The following GALNTL6 variants were observed in gnomAD, a reference collection of about 807,000 sequenced individuals.
GALNTL6 encodes polypeptide N-acetylgalactosaminyltransferase-like 6.
In GALNTL6, 46 loss-of-function variants were observed where a neutral mutation model predicts 73.7. The ratio of observed to expected loss-of-function variants is 0.62; its 90% CI spans 0.49 to 0.80. The LOEUF is 0.80. Ranked by LOEUF, GALNTL6 falls within the 30% of genes least tolerant of loss-of-function variation. The probability of loss-of-function intolerance (pLI) is 0.00; values close to 1 mark genes in which losing one functional copy is unlikely to be tolerated. For missense variants in GALNTL6, 604 were observed against 755.0 expected (o/e 0.80, Z 2.34); for synonymous variants, 259 against 263.7 (o/e 0.98, Z 0.17).
At chr4:173,037,591 A>T (rs1413546248) in intron 12 of GALNTL6, among the ~76,000 whole-genome samples, 1 of 152,188 alleles carries the variant, frequency 6.6e-6, no homozygotes, top group Non-Finnish European at 1.5e-5. Flanking sequence ...AAATGTTCAG[A>T]AAGTCTGGTT....
chr4:171,969,740 G>C (rs1348992293), intron 2 of GALNTL6, among the ~76,000 whole-genome samples: 1 of 151,110 alleles, frequency 6.6e-6, no homozygotes, highest in East Asian at 2.0e-4. Context: ...GGCAAACATA[G>C]GCTACATATG....
At chr4:172,157,837 A>G (rs1444492490) in intron 2 of GALNTL6, among the ~76,000 whole-genome samples, 1 of 152,110 alleles carries the variant, frequency 6.6e-6, no homozygotes, top group Non-Finnish European at 1.5e-5. Context: ...TTATGATTAG[A>G]TTGTTGCATC....
chr4:172,846,228 C>G (rs1743499311), intron 7 of GALNTL6, among the ~76,000 whole-genome samples: 1 of 152,170 alleles, frequency 6.6e-6, no homozygotes, highest in Non-Finnish European at 1.5e-5. Context: ...AATGTGTTTG[C>G]AGGCCAACTA....
intron 10 of GALNTL6, among the ~76,000 whole-genome samples, chr4:172,959,352 G>A (rs984545333): frequency 4.6e-5 from 7 of 152,116 alleles, no homozygotes; most frequent in Non-Finnish European, 8.8e-5. Flanking sequence ...TAATAAGGGA[G>A]CTGGGCAGGT....
intron 2 of GALNTL6, among the ~76,000 whole-genome samples, chr4:172,150,474 C>A (rs1404268951): frequency 6.6e-6 from 1 of 152,122 alleles, no homozygotes; most frequent in Non-Finnish European, 1.5e-5. Context: ...AGTGAAGGGG[C>A]TACTTTAGAT....
chr4:172,353,715 TTA>T (rs150092120), intron 5 of GALNTL6, among the ~76,000 whole-genome samples: 18 of 151,252 alleles, frequency 1.2e-4, no homozygotes, highest in South Asian at 4.2e-4. Context: ...GGAAAAAATA[TTA>T]TATATATATA....
chr4:172,537,227 C>T (rs977228936), intron 5 of GALNTL6, among the ~76,000 whole-genome samples: 12 of 152,086 alleles, frequency 7.9e-5, no homozygotes, highest in African/African-American at 1.7e-4. Flanking sequence ...CATGAGATTT[C>T]GGAGGGGCCA....
At chr4:172,408,553 A>G (rs1247269427) in intron 5 of GALNTL6, among the ~76,000 whole-genome samples, 2 of 152,044 alleles carry the variant, frequency 1.3e-5, no homozygotes, top group South Asian at 2.1e-4. Context: ...TTGAAATAGA[A>G]GCAACTCTAC....
intron 2 of GALNTL6, among the ~76,000 whole-genome samples, chr4:171,953,582 C>A (rs1042236778): frequency 6.6e-6 from 1 of 151,998 alleles, no homozygotes; most frequent in Non-Finnish European, 1.5e-5. Context: ...AAATTACAGA[C>A]CTAAATACAA....
chr4:171,854,836 T>G (rs925245033), intron 2 of GALNTL6, among the ~76,000 whole-genome samples: 14 of 152,206 alleles, frequency 9.2e-5, no homozygotes, highest in Admixed American at 9.2e-4. Flanking sequence ...AGGCCCCACC[T>G]TTAAATACCA....
intron 2 of GALNTL6, among the ~76,000 whole-genome samples, chr4:172,081,872 A>G (rs1016214169): frequency 2.4e-4 from 32 of 131,784 alleles, no homozygotes; most frequent in Non-Finnish European, 2.3e-4. Context: ...TTATTTATTT[A>G]TTCCTTTTTT....
intron 10 of GALNTL6, among the ~76,000 whole-genome samples, chr4:172,969,497 A>C (rs995681909): frequency 6.6e-6 from 1 of 152,372 alleles, no homozygotes; most frequent in East Asian, 1.9e-4. Flanking sequence ...GGGAAATCCA[A>C]CTAAGAACCA....
intron 5 of GALNTL6, among the ~76,000 whole-genome samples, chr4:172,659,028 T>C (rs1217279750): frequency 6.6e-6 from 1 of 152,200 alleles, no homozygotes; most frequent in African/African-American, 2.4e-5. Flanking sequence ...CCAGATCTTA[T>C]TGTAAGCAGC....
At chr4:172,040,763 T>C (rs1185644614) in intron 2 of GALNTL6, among the ~76,000 whole-genome samples, 1 of 152,070 alleles carries the variant, frequency 6.6e-6, no homozygotes, top group Non-Finnish European at 1.5e-5. Context: ...GGATTCCAAC[T>C]GCAATTCCCA....
chr4:172,281,387 C>A (rs1322562289), intron 3 of GALNTL6, among the ~76,000 whole-genome samples: 1 of 152,002 alleles, frequency 6.6e-6, no homozygotes, highest in Non-Finnish European at 1.5e-5. Context: ...TTCTTGACTT[C>A]CTATTTCTCT....
chr4:172,846,489 G>T (rs1307204821), intron 7 of GALNTL6, among the ~76,000 whole-genome samples: 10 of 151,996 alleles, frequency 6.6e-5, no homozygotes, highest in Non-Finnish European at 1.3e-4. Context: ...AATTCTCAAA[G>T]AATTAGGACA....
chr4:172,260,611 A>C (rs1738225266), intron 3 of GALNTL6, among the ~76,000 whole-genome samples: 1 of 151,440 alleles, frequency 6.6e-6, no homozygotes. Context: ...CTCTTGTCTG[A>C]TTGCTGTGGC....
chr4:172,282,047 T>C (rs184012551), intron 3 of GALNTL6, among the ~76,000 whole-genome samples: 4 of 152,300 alleles, frequency 2.6e-5, no homozygotes, highest in African/African-American at 4.8e-5. Context: ...AAGAAAAATA[T>C]TGATAAACTG....
At chr4:171,960,483 T>C (rs1012611614) in intron 2 of GALNTL6, among the ~76,000 whole-genome samples, 7 of 151,952 alleles carry the variant, frequency 4.6e-5, no homozygotes, top group African/African-American at 9.7e-5. Flanking sequence ...TTTCACTGTG[T>C]TCCCCAGGCT....
Sources: gnomAD v4.1 joint callset for allele counts (sites outside exome capture counted in the v4.1 genomes callset) on GRCh38, gnomAD v4.1.1 for gene constraint, MANE v1.5 for transcripts, NCBI Gene and HGNC (gene_info 2026-07-23, HGNC 2026-07-21) for gene names.